SAMTOR: variants seen among roughly 807,000 people sequenced by gnomAD.
The protein encoded by SAMTOR is UPF0532 protein C7orf60.
chr7:112,822,161 T>C, the SAMTOR span: 7 of 1,613,690 alleles, frequency 4.3e-6, no homozygotes, highest in Non-Finnish European at 5.1e-6. Flanking sequence ...CATTTAACAC[T>C]AACAGTTCAT....
chr7:112,923,734 A>C, the SAMTOR span, among the ~76,000 whole-genome samples: 10 of 152,158 alleles, frequency 6.6e-5, no homozygotes, highest in African/African-American at 2.2e-4. Flanking sequence ...CTATAAAGAC[A>C]CATGCACACG....
the SAMTOR span, among the ~76,000 whole-genome samples, chr7:112,931,601 C>T: frequency 6.6e-6 from 1 of 152,122 alleles, no homozygotes; most frequent in Non-Finnish European, 1.5e-5. Context: ...AACTTTCAAA[C>T]AAAAGGATTT....
At chr7:112,912,756 A>AT in the SAMTOR span, among the ~76,000 whole-genome samples, 1,611 of 152,114 alleles carry the variant, frequency 0.011, 30 homozygotes, top group African/African-American at 0.036. Flanking sequence ...ATTCCTAATG[A>AT]TTTTTCATCA....
the SAMTOR span, among the ~76,000 whole-genome samples, chr7:112,851,426 A>G: frequency 6.6e-6 from 1 of 152,226 alleles, no homozygotes; most frequent in African/African-American, 2.4e-5. Flanking sequence ...GACAAAGTCA[A>G]CAAAAATATA....
chr7:112,822,355 A>T, the SAMTOR span: 1 of 1,604,586 alleles, frequency 6.2e-7, no homozygotes, highest in Non-Finnish European at 8.5e-7. Flanking sequence ...AAGTTCAGGA[A>T]ATCACATTTA....
the SAMTOR span, among the ~76,000 whole-genome samples, chr7:112,862,934 A>G: frequency 3.3e-5 from 5 of 151,112 alleles, no homozygotes; most frequent in African/African-American, 4.9e-5. Flanking sequence ...AAAAAAAAAA[A>G]GGGGGTGGGG....
the SAMTOR span, among the ~76,000 whole-genome samples, chr7:112,896,576 G>A: frequency 1.1e-4 from 16 of 152,114 alleles, no homozygotes; most frequent in Non-Finnish European, 1.5e-4. Flanking sequence ...AACTCTATAC[G>A]CAGAAGTTGA....
At chr7:112,894,461 T>G in the SAMTOR span, among the ~76,000 whole-genome samples, 2 of 152,174 alleles carry the variant, frequency 1.3e-5, 1 homozygote, top group South Asian at 4.1e-4. Context: ...TGCGTTTTCA[T>G]GCTGCTGATA....
the SAMTOR span, among the ~76,000 whole-genome samples, chr7:112,928,497 A>C: frequency 2.6e-5 from 4 of 152,036 alleles, no homozygotes; most frequent in Non-Finnish European, 4.4e-5. Flanking sequence ...ATAAATGGAA[A>C]AGCAAAGACT....
chr7:112,860,011 G>C, the SAMTOR span, among the ~76,000 whole-genome samples: 1 of 152,106 alleles, frequency 6.6e-6, no homozygotes, highest in Admixed American at 6.5e-5. Context: ...TTCTAGTCCC[G>C]TAAGTTCCAT....
At chr7:112,821,521 A>C in the SAMTOR span, 2 of 403,678 alleles carry the variant, frequency 5.0e-6, no homozygotes, top group African/African-American at 4.1e-5. Flanking sequence ...CTAAAGTAAC[A>C]GTAGTTTCTG....
chr7:112,821,743 A>G, the SAMTOR span: 1 of 1,582,930 alleles, frequency 6.3e-7, no homozygotes, highest in Non-Finnish European at 8.6e-7. Flanking sequence ...TTGCTTCTAT[A>G]TTAACTTAAA....
At chr7:112,925,018 A>T in the SAMTOR span, among the ~76,000 whole-genome samples, 1 of 152,198 alleles carries the variant, frequency 6.6e-6, no homozygotes, top group African/African-American at 2.4e-5. Flanking sequence ...CCACATACCG[A>T]AGTTCATTTA....
the SAMTOR span, among the ~76,000 whole-genome samples, chr7:112,842,035 G>A: frequency 6.6e-6 from 1 of 152,060 alleles, no homozygotes; most frequent in African/African-American, 2.4e-5. Context: ...GTCTGTTCTT[G>A]CTGCCTCTGC....
the SAMTOR span, among the ~76,000 whole-genome samples, chr7:112,915,721 A>T: frequency 6.6e-6 from 1 of 152,314 alleles, no homozygotes; most frequent in African/African-American, 2.4e-5. Flanking sequence ...ATGATAACAG[A>T]TTTGTGAAGC....
chr7:112,835,266 A>T, the SAMTOR span, among the ~76,000 whole-genome samples: 2 of 152,106 alleles, frequency 1.3e-5, no homozygotes, highest in Non-Finnish European at 2.9e-5. Context: ...TAATCTGTGA[A>T]AAATGACATT....
the SAMTOR span, among the ~76,000 whole-genome samples, chr7:112,922,413 G>A: frequency 3.3e-5 from 5 of 152,170 alleles, no homozygotes; most frequent in South Asian, 2.1e-4. Context: ...CTGCCTGGCC[G>A]CCCATCGTCT....
the SAMTOR span, among the ~76,000 whole-genome samples, chr7:112,836,695 C>T: frequency 6.6e-6 from 1 of 151,214 alleles, no homozygotes; most frequent in East Asian, 1.9e-4. Context: ...GGCTAGTTAT[C>T]CCAGCAAATA....
chr7:112,939,727 TC>T, the SAMTOR span: 1 of 1,604,704 alleles, frequency 6.2e-7, no homozygotes, highest in East Asian at 2.2e-5. Context: ...GAGCAGTATT[TC>T]GGCCGCCGGC....
Sources: gnomAD v4.1 joint callset for allele counts (sites outside exome capture counted in the v4.1 genomes callset) on GRCh38, gnomAD v4.1.1 for gene constraint, MANE v1.5 for transcripts, NCBI Gene and HGNC (gene_info 2026-07-23, HGNC 2026-07-21) for gene names.